Variants in ZNF433 observed in about 807,000 individuals in gnomAD.
ZNF433 encodes zinc finger protein 433.
Under a neutral mutation model 10.6 loss-of-function variants are expected in ZNF433, and 12 were observed. That is an observed-to-expected ratio of 1.13 (90% CI 0.72 to 1.83). The LOEUF (loss-of-function observed/expected upper bound fraction) is 1.83, where lower values mean the gene tolerates loss of function less well. Ranked by LOEUF, ZNF433 falls within the 40% of genes most tolerant of loss-of-function variation. The pLI is 0.00. For missense variants in ZNF433, 737 were observed against 798.0 expected (o/e 0.92, Z 0.92); for synonymous variants, 272 against 271.3 (o/e 1.00, Z -0.02).
In ZNF433 at chr19:12,015,190, C is replaced by T. The variant is rs146794412; in HGVS notation, c.1668G>A (p.Glu556=). 7.4e-6 allele frequency: 12 copies of T among 1,613,962 alleles called. No individual in the cohort carries two copies. In the African/African-American group the frequency reaches 1.3e-4, roughly 18 times the overall value. Residue 556 remains glutamate (E), a synonymous_variant, in exon 4 of 4, where the codon GAG becomes GAA. Transcript: ENST00000550507. ...CACACTGCTTACATTCATAAGGTTTCTCTCCAGTGTGAGTCCTTCCATGAA... is the reference window on the plus strand; with the variant it reads ...CACACTGCTTACATTCATAAGGTTTTTCTCCAGTGTGAGTCCTTCCATGAA... ...LQIHGRTHTG[E]KPYECKQCGK... is the part of the protein sequence containing the mutation.
chr19:12,019,046 T>A (rs2145419269), intron 1 of ZNF433, among the ~76,000 whole-genome samples: 1 of 113,372 alleles, frequency 8.8e-6, no homozygotes, highest in Non-Finnish European at 1.7e-5. Flanking sequence ...CAAGACTCCA[T>A]CTTAATAAAA....
chr19:12,025,239 G>A (rs962339696), intron 1 of ZNF433: 2 of 152,132 alleles, frequency 1.3e-5, no homozygotes, highest in African/African-American at 4.8e-5. Flanking sequence ...TTCTTTGTAT[G>A]TGGTTCATTC....
chr19:12,022,879 C>T (rs1272009985), intron 1 of ZNF433, among the ~76,000 whole-genome samples: 1 of 152,158 alleles, frequency 6.6e-6, no homozygotes, highest in Non-Finnish European at 1.5e-5. Flanking sequence ...CTGGAGGACA[C>T]TGGACAAAAA....
In ZNF433 at chr19:12,015,832, T is replaced by C. The variant is rs758032305; in HGVS notation, c.1026A>G (p.Lys342=). The change falls in exon 4 of 4, where the codon AAA becomes AAG. Residue 342 remains lysine (K), a synonymous_variant. Coordinates refer to ENST00000550507, the MANE Select transcript of ZNF433 (RefSeq NM_001308348.2). The part of the protein sequence containing the change: ...KKPYECKHCG[K]VLSYLTSFQN... Reference sequence around the variant, plus strand: ...GAAAGCTGGTAAGATAAGATAATACTTTCCCACAATGTTTACATTCATAGG... The same window carrying C: ...GAAAGCTGGTAAGATAAGATAATACCTTCCCACAATGTTTACATTCATAGG... 28 of 1,614,076 alleles carry C rather than the reference T, an allele frequency of 1.7e-5. No individual in the cohort carries two copies. The African/African-American group carries it at 2.7e-4, about 15-fold the overall frequency.
Position 12,032,515 on chromosome 19 carries a change from G to A in ZNF433, c.3+3022C>T, listed in dbSNP as rs181990625. Among the ~76,000 whole-genome samples, 339 of 147,428 alleles carry A rather than the reference G, an allele frequency of 2.3e-3. 2 individuals carry two copies. Among genetic ancestry groups the A allele is most frequent in the African/African-American group, 7.9e-3 (315 of 39,798 alleles). On this transcript the variant is annotated intron_variant, in intron 1 of 3. Transcript: ENST00000550507. The stretch of plus-strand genomic sequence containing the variant: ...TTTTTTTTTTTTGAGATGGAGACTC[G>A]CCCTGTAGTGCAGGCTGGAATACAG...
At chr19:12,027,584 C>T in intron 1 of ZNF433, among the ~76,000 whole-genome samples, 1 of 152,216 alleles carries the variant, frequency 6.6e-6, no homozygotes, top group South Asian at 2.1e-4. Flanking sequence ...AGCCAGAGCC[C>T]ATCCCTTTGT....
chr19:12,026,844 G>A (rs559856516), intron 1 of ZNF433: 6 of 453,858 alleles, frequency 1.3e-5, no homozygotes, highest in Non-Finnish European at 2.6e-5. Flanking sequence ...ATGTTCAGCT[G>A]GTCTGAACAA....
chr19:12,023,253 A>G (rs1229720722), intron 1 of ZNF433: 1 of 152,238 alleles, frequency 6.6e-6, no homozygotes, highest in Admixed American at 6.5e-5. Context: ...AAAAGTTCCA[A>G]CAGGGGTCTG....
At chr19:12,018,761 A>C (rs1313928695) in intron 1 of ZNF433, 1 of 152,478 alleles carries the variant, frequency 6.6e-6, no homozygotes, top group Non-Finnish European at 1.5e-5. Context: ...AAAAAACTGG[A>C]TTTTACAAGG....
intron 1 of ZNF433, among the ~76,000 whole-genome samples, chr19:12,020,732 CA>C (rs1378003248): frequency 6.6e-6 from 1 of 151,926 alleles, no homozygotes; most frequent in African/African-American, 2.4e-5. Context: ...GACTGATTAA[CA>C]TGGTGAAACC....
chr19:12,024,215 T>C (rs934425139), intron 1 of ZNF433: 4 of 152,344 alleles, frequency 2.6e-5, no homozygotes, highest in Admixed American at 2.0e-4. Flanking sequence ...TTAAGAGCCA[T>C]TAATTCAGTT....
rs776566310 is a variant in ZNF433 at position 12,018,298 on chromosome 19, A to G, written c.4-6T>C. 1 of 1,613,138 alleles carries G rather than the reference A, an allele frequency of 6.2e-7. No homozygotes were observed. The highest frequency in any genetic ancestry group is 8.5e-7 in the Non-Finnish European group (1 of 1,179,686). ...TCCTCAAAGGCCACTGAATCCTGAA[A>G]CATCTCACATGTATAGAGGAGGATG... On this transcript the variant is annotated splice_region_variant and splice_polypyrimidine_tract_variant and intron_variant, in intron 1 of 3. Coordinates refer to ENST00000550507, the MANE Select transcript of ZNF433 (RefSeq NM_001308348.2).
Position 12,035,617 on chromosome 19 carries a change from AC to A in ZNF433, c.-79del, listed in dbSNP as rs1398241053. 4.0e-6 allele frequency: 6 copies of A among 1,511,248 alleles called. No homozygotes were observed. Among genetic ancestry groups the A allele is most frequent in the Non-Finnish European group, 5.3e-6 (6 of 1,123,432 alleles). The allele number at this position is 1,511,248 out of a possible 1,614,324, so 93.6% of individuals were successfully genotyped here. A position where few individuals can be genotyped will look rare whatever the true frequency, so the allele number is the denominator to read the frequency against. On this transcript the variant is annotated 5_prime_UTR_variant, in exon 1 of 4. Transcript: ENST00000550507. ...CAGAAGCTATGGCAGAGGCACCTGA[AC>A]CCTCTCGGAGGGGAAAGCCAGGCTC...
In ZNF433 at chr19:12,018,176, CAGGTTCCTGA is replaced by C; in HGVS notation, c.110_119del (p.Phe37TrpfsTer4). The stretch of plus-strand genomic sequence containing the variant: ...TGTTGTCACCCTTACCTATAGAGGC[CAGGTTCCTGA>C]AGGTTTCTTGCATCACATCTCTACA... On this transcript the variant is annotated frameshift_variant, in exon 2 of 4. Transcript: ENST00000550507. LOFTEE classifies it high-confidence loss of function. The C allele has an allele frequency of 6.3e-7, 1 of 1,596,964 alleles. No homozygotes were observed. Among genetic ancestry groups the C allele is most frequent in the Non-Finnish European group, 8.5e-7 (1 of 1,174,694 alleles).
At chr19:12,017,828 C>CT in intron 3 of ZNF433, 48 bp downstream of exon 3, 3 of 1,065,476 alleles carry the variant, frequency 2.8e-6, no homozygotes, top group Non-Finnish European at 4.1e-6. Flanking sequence ...TTCTCCCATT[C>CT]TAAGATTTTC....
intron 1 of ZNF433, chr19:12,022,327 A>G (rs1386664499): frequency 4.0e-6 from 1 of 248,840 alleles, no homozygotes; most frequent in Admixed American, 4.0e-5. Context: ...TATAATCTAC[A>G]GAAACAATGC....
chr19:12,027,840 A>G (rs1974813644), intron 1 of ZNF433: 1 of 152,170 alleles, frequency 6.6e-6, no homozygotes. Flanking sequence ...ATATAGATAT[A>G]TGTCAGGACC....
intron 1 of ZNF433, among the ~76,000 whole-genome samples, chr19:12,032,342 T>C (rs1050186956): frequency 5.9e-5 from 9 of 152,298 alleles, no homozygotes; most frequent in East Asian, 1.9e-4. Flanking sequence ...TTCCCTATTT[T>C]TCTCCAGTAG....
chr19:12,031,307 AAAACAAAAC>A (rs1568341919), intron 1 of ZNF433, among the ~76,000 whole-genome samples: 5 of 130,814 alleles, frequency 3.8e-5, no homozygotes, highest in African/African-American at 2.2e-4. Flanking sequence ...AAAAAAAAAA[AAAACAAAAC>A]AAAAAAAAAA....
Sources: allele counts gnomAD v4.1 joint callset (sites outside exome capture counted in the v4.1 genomes callset), GRCh38; gene constraint gnomAD v4.1.1; transcripts MANE v1.5; gene names NCBI Gene and HGNC (gene_info 2026-07-23, HGNC 2026-07-21).